Variants in CTNNA3 observed in about 807,000 individuals in gnomAD.
The protein encoded by CTNNA3 is catenin alpha-3.
A neutral mutation model predicts 95.7 loss-of-function variants in CTNNA3; 76 were observed. That is an observed-to-expected ratio of 0.79 (90% CI 0.66 to 0.96). The LOEUF (loss-of-function observed/expected upper bound fraction) is 0.96, where lower values mean the gene tolerates loss of function less well. CTNNA3 is among the 40% of genes least tolerant of loss of function. CTNNA3 has a pLI of 0.00. For synonymous variants in CTNNA3, 431 were observed against 374.4 expected, an observed-to-expected ratio of 1.15 and a Z score of -1.74; for missense variants, 1,191 against 1,089.8, an observed-to-expected ratio of 1.09 and a Z score of -1.31.
At chr10:65,952,558 A>C (rs1041495982) in intron 17 of CTNNA3, among the ~76,000 whole-genome samples, 4 of 147,268 alleles carry the variant, frequency 2.7e-5, no homozygotes, top group Non-Finnish European at 6.0e-5. Flanking sequence ...TTTTTTTTTA[A>C]TTTTCCCTGT....
chr10:66,038,160 C>T (rs72791474), intron 15 of CTNNA3, among the ~76,000 whole-genome samples: 28,839 of 152,164 alleles, frequency 0.19, 3,092 homozygotes, highest in Middle Eastern at 0.26. Flanking sequence ...CTATATGTAA[C>T]CCATGTATAA....
intron 17 of CTNNA3, among the ~76,000 whole-genome samples, chr10:65,938,202 T>C (rs1286908669): frequency 1.3e-5 from 2 of 152,178 alleles, no homozygotes; most frequent in Admixed American, 1.3e-4. Flanking sequence ...TATTGTATCC[T>C]GGAGTATTTG....
intron 6 of CTNNA3, among the ~76,000 whole-genome samples, chr10:67,189,586 T>C (rs1863027269): frequency 7.6e-6 from 1 of 132,356 alleles, no homozygotes. Flanking sequence ...CAAATATACA[T>C]AATTTTTATT....
chr10:66,583,299 TTTGTTGTTGTTGTTG>T (rs139169263), intron 10 of CTNNA3, among the ~76,000 whole-genome samples: 3 of 150,338 alleles, frequency 2.0e-5, no homozygotes, highest in African/African-American at 7.3e-5. Flanking sequence ...TGTTTTGGTT[TTTGTTGTTGTTGTTG>T]TTGTTGTTGT....
intron 3 of CTNNA3, among the ~76,000 whole-genome samples, chr10:67,578,996 G>GATATATATATATAT (rs533690910): frequency 1.0e-4 from 9 of 87,370 alleles, no homozygotes; most frequent in Admixed American, 3.7e-4. Context: ...TGATCATAGT[G>GATATATATATATAT]ATATATATAT....
chr10:66,522,462 T>C (rs1841100148), intron 10 of CTNNA3, among the ~76,000 whole-genome samples: 5 of 152,106 alleles, frequency 3.3e-5, no homozygotes, highest in Admixed American at 3.3e-4. Context: ...ACCTCCATGC[T>C]GTTCTTATGA....
In CTNNA3 at chr10:67,072,956, C is replaced by A. The variant is rs550141921; in HGVS notation, c.1047+107361G>T. Among the ~76,000 whole-genome samples the A allele has an allele frequency of 5.3e-5, 8 of 152,148 alleles. No homozygotes were observed. The East Asian group carries it at 1.5e-3, about 29-fold the overall frequency. ...TTGGAGAAAGATGTGTGTTTTAGAT[C>A]CCTCAAGTCTCCAGTTTGTCCCAGC... is the stretch of plus-strand genomic sequence containing the variant. On this transcript the variant is annotated intron_variant, in intron 7 of 17. Coordinates refer to ENST00000433211, the MANE Select transcript of CTNNA3 (RefSeq NM_013266.4).
rs932988057 is a variant in CTNNA3 at position 67,704,866 on chromosome 10, G to A, written c.-1-57352C>T. On this transcript the variant is annotated intron_variant, in intron 1 of 17. Transcript: ENST00000684154. ...ACCTACAAAATGGGAGAAAATTTTC[G>A]CAACCTACTCATCTGACAAAGGGCT... Among the ~76,000 whole-genome samples the A allele has an allele frequency of 5.7e-4, 87 of 151,908 alleles. No individual in the cohort carries two copies. The Middle Eastern group carries it at 0.01, about 18-fold the overall frequency.
At chr10:65,959,803 A>ACC (rs2077805464) in intron 17 of CTNNA3, among the ~76,000 whole-genome samples, 1 of 152,100 alleles carries the variant, frequency 6.6e-6, no homozygotes, top group Non-Finnish European at 1.5e-5. Flanking sequence ...GCCCTGAGCC[A>ACC]CCGTACCTGG....
chr10:66,250,805 A>T (rs984436225), intron 13 of CTNNA3, among the ~76,000 whole-genome samples: 1 of 152,110 alleles, frequency 6.6e-6, no homozygotes, highest in African/African-American at 2.4e-5. Context: ...CTGTCTAATA[A>T]TGTCACCGTA....
intron 7 of CTNNA3, among the ~76,000 whole-genome samples, chr10:66,789,385 G>A (rs1039376592): frequency 1.3e-5 from 2 of 152,012 alleles, no homozygotes; most frequent in East Asian, 1.9e-4. Context: ...ATGTTGGCCA[G>A]GCTGGTCTTG....
At position 66,427,922 on chromosome 10, in the gene CTNNA3, T is replaced by G. The variant is rs184508195; in HGVS notation, c.1532-48570A>C. On this transcript the variant is annotated intron_variant, in intron 11 of 17. Coordinates refer to ENST00000433211, the MANE Select transcript of CTNNA3 (RefSeq NM_013266.4). ...TAACAATATTAACCTTAAACGTAAA[T>G]GGACTAAATGCTCCAATTAAAAGAC... Among the ~76,000 whole-genome samples, 473 of 152,124 alleles carry G rather than the reference T, an allele frequency of 3.1e-3. 2 individuals are homozygous for G. The highest frequency in any genetic ancestry group is 0.011 in the African/African-American group (455 of 41,520).
chr10:67,559,517 A>G (rs1283370134), intron 3 of CTNNA3, among the ~76,000 whole-genome samples: 2 of 152,204 alleles, frequency 1.3e-5, no homozygotes, highest in Non-Finnish European at 2.9e-5. Context: ...GACCAAAAGT[A>G]GATAAAACCA....
At chr10:67,196,348 A>C (rs555744239) in intron 6 of CTNNA3, among the ~76,000 whole-genome samples, 1 of 152,224 alleles carries the variant, frequency 6.6e-6, no homozygotes, top group Admixed American at 6.6e-5. Flanking sequence ...ATACAAATCT[A>C]AATACATACT....
rs987517780 is a variant in CTNNA3, at chr10:67,378,758, T to C, written c.579+143084A>G. Among the ~76,000 whole-genome samples, 15 of 152,290 alleles carry C rather than the reference T, an allele frequency of 9.8e-5. No homozygotes were observed. The East Asian group carries it at 2.5e-3, about 26-fold the overall frequency. ...TCATTCTTTTTATGGCTGAATAGTG[T>C]TAATGGAATATATACACAATGGTGT... On this transcript the variant is annotated intron_variant, in intron 5 of 17. Transcript: ENST00000433211.
rs1372277357 is a variant in CTNNA3 at position 67,413,343 on chromosome 10, C to A, written c.579+108499G>T. ...ATTTTAAACACATAAAAATGAAGGA[C>A]AATGAAGGGCACTGCATAACAATAA... On this transcript the variant is annotated intron_variant, in intron 5 of 17. Coordinates refer to ENST00000433211, the MANE Select transcript of CTNNA3 (RefSeq NM_013266.4). Among the ~76,000 whole-genome samples, 3 of 152,052 alleles carry A rather than the reference C, an allele frequency of 2.0e-5. 1 individual carries two copies. The highest frequency in any genetic ancestry group is 7.2e-5 in the African/African-American group (3 of 41,416).
intron 9 of CTNNA3, among the ~76,000 whole-genome samples, chr10:66,690,560 G>T (rs546754217): frequency 7.9e-5 from 12 of 151,170 alleles, no homozygotes; most frequent in Non-Finnish European, 1.6e-4. Context: ...CCACCTATGA[G>T]TGAGAATATG....
intron 7 of CTNNA3, among the ~76,000 whole-genome samples, chr10:66,803,724 A>G (rs1276028622): frequency 2.0e-5 from 3 of 152,112 alleles, no homozygotes; most frequent in African/African-American, 7.2e-5. Flanking sequence ...TTGCCCATCA[A>G]TAATCACAAA....
At chr10:66,270,217 C>T (rs1342157374) in intron 13 of CTNNA3, among the ~76,000 whole-genome samples, 2 of 122,626 alleles carry the variant, frequency 1.6e-5, no homozygotes, top group Non-Finnish European at 3.1e-5. Context: ...AACACTATAA[C>T]ATTTTTTGGG....
Sources: allele counts gnomAD v4.1 joint callset (sites outside exome capture counted in the v4.1 genomes callset), GRCh38; gene constraint gnomAD v4.1.1; transcripts MANE v1.5; gene names NCBI Gene and HGNC (gene_info 2026-07-23, HGNC 2026-07-21).